Variants in THADA observed in about 807,000 individuals in gnomAD.
The protein encoded by THADA is THADA armadillo repeat containing.
THADA carries 213 observed loss-of-function variants against 219.8 expected under a neutral mutation model. That is an observed-to-expected ratio of 0.97 (90% CI 0.87 to 1.09). The LOEUF (loss-of-function observed/expected upper bound fraction) is 1.09, where lower values mean the gene tolerates loss of function less well. Ranked by LOEUF, THADA falls within the 50% of genes least tolerant of loss-of-function variation. THADA has a pLI of 0.00. For missense variants in THADA, 2,956 were observed against 2,311.3 expected (o/e 1.28, Z -5.72); for synonymous variants, 1,018 against 828.9 (o/e 1.23, Z -3.92).
chr2:43,500,160 A>AAAT (rs1170673003), intron 24 of THADA, among the ~76,000 whole-genome samples: 9 of 152,184 alleles, frequency 5.9e-5, no homozygotes, highest in Admixed American at 2.6e-4. Flanking sequence ...TAAAATAAAA[A>AAAT]AATAATAATA....
At position 43,286,933 on chromosome 2, in the gene THADA, GA is replaced by G. The variant is rs1216742289; in HGVS notation, c.5138del (p.Phe1713SerfsTer40). The G allele has an allele frequency of 3.1e-6, 5 of 1,613,312 alleles. No individual in the cohort carries two copies. Among genetic ancestry groups the G allele is most frequent in the Non-Finnish European group, 4.2e-6 (5 of 1,179,304 alleles). ...CAAGAATAGGATGGGGGTTGGTGAG[GA>G]AAAGTGGTGTAGTACTGGTGAGGAC... is the stretch of plus-strand genomic sequence containing the variant. ...VEVLTSTTPLFLTNPHPILEL... is the reference protein window; with the variant it reads ...VEVLTSTTPLXLTNPHPILEL... On this transcript the variant is annotated frameshift_variant, in exon 35 of 38. Transcript: ENST00000405975. LOFTEE classifies it high-confidence loss of function.
intron 7 of THADA, among the ~76,000 whole-genome samples, chr2:43,583,849 C>A (rs1010418693): frequency 6.6e-6 from 1 of 151,896 alleles, no homozygotes; most frequent in Non-Finnish European, 1.5e-5. Flanking sequence ...TTGAAACCAG[C>A]CAGGGCAACA....
intron 16 of THADA, 90 bp from the exon 17 acceptor site, chr2:43,556,645 TGAGTACA>T (rs1384053786): frequency 3.2e-6 from 4 of 1,244,140 alleles, no homozygotes; most frequent in South Asian, 1.5e-5. Flanking sequence ...AGCCTGGAGC[TGAGTACA>T]GTGGGCTCGA....
chr2:43,581,629 A>T (rs960404311), intron 8 of THADA, 112 bp downstream of exon 8: 1 of 919,544 alleles, frequency 1.1e-6, no homozygotes, highest in Non-Finnish European at 1.6e-6. Flanking sequence ...GTAAGGACAC[A>T]TTCCACATCT....
intron 21 of THADA, among the ~76,000 whole-genome samples, chr2:43,537,939 CAAA>C (rs1196698525): frequency 3.3e-5 from 2 of 60,474 alleles, no homozygotes; most frequent in Admixed American, 1.9e-4. Context: ...GACCCAGACT[CAAA>C]AAAAAAAAAA....
intron 17 of THADA, among the ~76,000 whole-genome samples, chr2:43,553,787 T>C (rs1697024360): frequency 6.6e-6 from 1 of 152,206 alleles, no homozygotes; most frequent in African/African-American, 2.4e-5. Context: ...CTTGTTATCA[T>C]CTCTTTTTTA....
Position 43,231,104 on chromosome 2 carries a change from T to C in THADA, c.5706A>G (p.Thr1902=). Residue 1902 remains threonine, a synonymous_variant, in exon 38 of 38, where the codon ACA becomes ACG. Transcript: ENST00000405975. ...AAEFVKTVEF[T]RLRIQEERTL... is the part of the protein sequence containing the mutation. ...TCCTTTCCTCTTGAATGCGTAGTCTTGTGAACTCCACTGTCTTCACAAACT... is the reference window on the plus strand; with the variant it reads ...TCCTTTCCTCTTGAATGCGTAGTCTCGTGAACTCCACTGTCTTCACAAACT... 1 of 1,613,946 alleles carries C rather than the reference T, an allele frequency of 6.2e-7. No individual in the cohort carries two copies. The highest frequency in any genetic ancestry group is 8.5e-7 in the Non-Finnish European group (1 of 1,179,874).
intron 24 of THADA, among the ~76,000 whole-genome samples, chr2:43,499,538 G>A (rs749420166): frequency 2.6e-5 from 4 of 151,932 alleles, no homozygotes; most frequent in Admixed American, 1.3e-4. Context: ...CACCACGGCC[G>A]GCTAAGTTTT....
chr2:43,233,545 C>G (rs549689389), intron 36 of THADA, among the ~76,000 whole-genome samples: 2 of 152,166 alleles, frequency 1.3e-5, no homozygotes, highest in South Asian at 4.2e-4. Context: ...CTGTAAAAAG[C>G]AGGTGGTAGG....
At chr2:43,352,077 C>T (rs1303744653) in intron 29 of THADA, among the ~76,000 whole-genome samples, 1 of 152,158 alleles carries the variant, frequency 6.6e-6, no homozygotes, top group Non-Finnish European at 1.5e-5. Context: ...AATTTTAGAA[C>T]ACAGATACAT....
At chr2:43,440,929 A>G (rs966700733) in intron 26 of THADA, among the ~76,000 whole-genome samples, 6 of 152,220 alleles carry the variant, frequency 3.9e-5, no homozygotes, top group African/African-American at 1.4e-4. Context: ...ACAGCAAGCT[A>G]TGTCATGCAG....
chr2:43,519,498 G>A (rs1264130189), intron 22 of THADA, among the ~76,000 whole-genome samples: 2 of 152,174 alleles, frequency 1.3e-5, no homozygotes, highest in Admixed American at 6.5e-5. Flanking sequence ...AGTTCCTGAT[G>A]AGAATGTCCC....
intron 29 of THADA, among the ~76,000 whole-genome samples, chr2:43,369,520 G>C (rs1670561866): frequency 1.3e-5 from 2 of 152,072 alleles, no homozygotes. Context: ...ATATTAACTA[G>C]GTTTTGTACA....
chr2:43,591,664 GT>G (rs1308283937), intron 3 of THADA, among the ~76,000 whole-genome samples: 1 of 151,884 alleles, frequency 6.6e-6, no homozygotes, highest in African/African-American at 2.4e-5. Flanking sequence ...CTGCTAAAAA[GT>G]TTTGAAGATT....
chr2:43,554,238 T>C (rs1212358073), intron 17 of THADA, among the ~76,000 whole-genome samples: 1 of 152,226 alleles, frequency 6.6e-6, no homozygotes, highest in African/African-American at 2.4e-5. Flanking sequence ...TTTATAGTTT[T>C]AGCTCTTATA....
chr2:43,513,172 T>C (rs1690711583), intron 22 of THADA, among the ~76,000 whole-genome samples: 2 of 152,228 alleles, frequency 1.3e-5, no homozygotes, highest in East Asian at 1.9e-4. Context: ...AATAAGTTCT[T>C]AATGGTCATT....
At chr2:43,325,092 T>C (rs982934530) in intron 30 of THADA, among the ~76,000 whole-genome samples, 2 of 152,212 alleles carry the variant, frequency 1.3e-5, no homozygotes, top group African/African-American at 2.4e-5. Context: ...TTGATTAATA[T>C]GTTTTTGCCT....
chr2:43,510,688 C>T (rs927340594), intron 22 of THADA, among the ~76,000 whole-genome samples: 23 of 150,288 alleles, frequency 1.5e-4, no homozygotes, highest in East Asian at 7.8e-4. Flanking sequence ...AAAATTGGGC[C>T]GGGTGAGCAC....
intron 20 of THADA, 87 bp from the exon 21 acceptor site, chr2:43,541,403 G>A (rs750349976): frequency 4.4e-5 from 66 of 1,498,546 alleles, no homozygotes; most frequent in Middle Eastern, 1.8e-4. Context: ...ATTTCCCCAA[G>A]AATAATCTGC....
Sources: gnomAD v4.1 joint callset for allele counts (sites outside exome capture counted in the v4.1 genomes callset) on GRCh38, gnomAD v4.1.1 for gene constraint, MANE v1.5 for transcripts, NCBI Gene and HGNC (gene_info 2026-07-23, HGNC 2026-07-21) for gene names.